Variants in NTM observed in about 807,000 individuals in gnomAD.
NTM encodes IgLON family member 2.
In NTM, 13 loss-of-function variants were observed where a neutral mutation model predicts 42.1. The ratio of observed to expected loss-of-function variants is 0.31; its 90% CI spans 0.20 to 0.49. NTM has a LOEUF of 0.49. NTM is among the 20% of genes least tolerant of loss of function. The pLI is 0.99. For synonymous variants in NTM, 187 were observed against 179.2 expected (o/e 1.04, Z -0.35); for missense variants, 373 against 452.8 (o/e 0.82, Z 1.60).
intron 1 of NTM, among the ~76,000 whole-genome samples, chr11:131,745,074 A>T (rs534259693): frequency 5.9e-5 from 9 of 152,350 alleles, no homozygotes; most frequent in African/African-American, 2.2e-4. Flanking sequence ...AAACTCTGAC[A>T]CACAGAGGCC....
intron 1 of NTM, chr11:131,671,522 C>T: frequency 5.1e-6 from 5 of 981,204 alleles, no homozygotes; most frequent in South Asian, 4.7e-5. Flanking sequence ...GGTGGCTGCC[C>T]TCACCCTCCT....
intron 1 of NTM, among the ~76,000 whole-genome samples, chr11:131,745,027 G>A (rs60261209): frequency 0.086 from 13,119 of 152,216 alleles, 1,893 homozygotes; most frequent in African/African-American, 0.29. Context: ...AACTGGAGCC[G>A]CTTGTGGTGT....
chr11:131,430,023 G>T (rs1257949595), intron 1 of NTM, among the ~76,000 whole-genome samples: 2 of 152,098 alleles, frequency 1.3e-5, no homozygotes, highest in Non-Finnish European at 2.9e-5. Flanking sequence ...CTTAAGTTTT[G>T]CTCCAAAGCT....
At chr11:131,629,595 T>C (rs2063459619) in intron 1 of NTM, among the ~76,000 whole-genome samples, 1 of 152,176 alleles carries the variant, frequency 6.6e-6, no homozygotes, top group African/African-American at 2.4e-5. Context: ...TGGCTTCTAC[T>C]GATGGAAGCC....
chr11:132,062,148 T>C (rs193225205), intron 2 of NTM, among the ~76,000 whole-genome samples: 1 of 152,280 alleles, frequency 6.6e-6, no homozygotes, highest in East Asian at 1.9e-4. Flanking sequence ...TTGGAAGTAA[T>C]TTACCACCCC....
At chr11:132,218,685 G>T (rs557901694) in intron 4 of NTM, among the ~76,000 whole-genome samples, 1 of 152,290 alleles carries the variant, frequency 6.6e-6, no homozygotes, top group South Asian at 2.1e-4. Context: ...GAGGTAGGGG[G>T]ACTAGTCAGT....
chr11:131,777,145 A>C, intron 1 of NTM: 1 of 767,188 alleles, frequency 1.3e-6, no homozygotes, highest in Non-Finnish European at 1.6e-6. Context: ...TATTGCATAT[A>C]ACATCTCCAC....
chr11:131,984,474 A>G, intron 2 of NTM: 1 of 152,236 alleles, frequency 6.6e-6, no homozygotes, highest in Non-Finnish European at 1.5e-5. Flanking sequence ...CCAGGAGGAG[A>G]TTTCTTACCT....
At chr11:132,110,808 G>A (rs2063064049) in intron 2 of NTM, among the ~76,000 whole-genome samples, 1 of 151,894 alleles carries the variant, frequency 6.6e-6, no homozygotes, top group Non-Finnish European at 1.5e-5. Flanking sequence ...GCTGAGGTGG[G>A]AGGATCACTT....
intron 1 of NTM, among the ~76,000 whole-genome samples, chr11:131,712,904 A>G (rs907431859): frequency 6.6e-6 from 1 of 152,190 alleles, no homozygotes; most frequent in Non-Finnish European, 1.5e-5. Flanking sequence ...AAAGAAAGGA[A>G]GAAAGCAGGA....
chr11:131,919,758 G>A lies in NTM; in HGVS notation c.167+8110G>A, dbSNP rs146292339. Among the ~76,000 whole-genome samples the A allele has an allele frequency of 1.2e-3, 164 of 138,884 alleles. 2 individuals carry two copies. In the East Asian group the frequency reaches 0.022, roughly 19 times the overall value. 91.1% of individuals were successfully genotyped at this position (138,884 alleles called of 152,430 possible). A position where few individuals can be genotyped will look rare whatever the true frequency, so the allele number is the denominator to read the frequency against. ...TATATATGAATATATATGTACATAT[G>A]CATGTGTGCATATATGTGTATATAA... On this transcript the variant is annotated intron_variant, in intron 2 of 8. Coordinates refer to ENST00000683400, the MANE Select transcript of NTM (RefSeq NM_001352005.2).
At chr11:132,251,960 G>A (rs1045405178) in intron 4 of NTM, among the ~76,000 whole-genome samples, 1 of 152,196 alleles carries the variant, frequency 6.6e-6, no homozygotes, top group Non-Finnish European at 1.5e-5. Context: ...CTCCAAACCT[G>A]AGGCTTGCCT....
At chr11:131,787,354 G>GATGATTATT (rs1555125914) in intron 1 of NTM, among the ~76,000 whole-genome samples, 2 of 144,436 alleles carry the variant, frequency 1.4e-5, no homozygotes, top group South Asian at 2.2e-4. Flanking sequence ...CATAATACAA[G>GATGATTATT]ATTATTATTA....
At chr11:132,254,039 C>G (rs1239981337) in intron 4 of NTM, among the ~76,000 whole-genome samples, 49 of 152,274 alleles carry the variant, frequency 3.2e-4, no homozygotes, top group Non-Finnish European at 1.2e-4. Context: ...GGCTGGAAGG[C>G]AGCTCTCTGG....
intron 1 of NTM, among the ~76,000 whole-genome samples, chr11:131,466,029 CTA>C (rs2136143264): frequency 1.3e-5 from 2 of 152,308 alleles, no homozygotes; most frequent in South Asian, 4.1e-4. Context: ...GGATGTGTGT[CTA>C]TGAGGAACCT....
chr11:132,151,779 C>A (rs1221002575), intron 3 of NTM, among the ~76,000 whole-genome samples: 3 of 152,126 alleles, frequency 2.0e-5, no homozygotes, highest in Non-Finnish European at 4.4e-5. Flanking sequence ...TGGAATAGGG[C>A]AGGAATGAGG....
chr11:131,985,221 G>A (rs1389289683), intron 2 of NTM, among the ~76,000 whole-genome samples: 2 of 152,156 alleles, frequency 1.3e-5, no homozygotes, highest in South Asian at 2.1e-4. Flanking sequence ...GTAGGCACTT[G>A]GTTTGTCATA....
intron 2 of NTM, among the ~76,000 whole-genome samples, chr11:131,920,220 A>G (rs2057019900): frequency 6.7e-6 from 1 of 150,116 alleles, no homozygotes; most frequent in Non-Finnish European, 1.5e-5. Flanking sequence ...GTCAAATGGT[A>G]AAAAACAGGG....
At chr11:132,149,640 C>T (rs2071409537) in intron 3 of NTM, among the ~76,000 whole-genome samples, 2 of 152,018 alleles carry the variant, frequency 1.3e-5, no homozygotes, top group South Asian at 4.2e-4. Context: ...GATTTTCTTC[C>T]CCTGTGGTTC....
Sources: gnomAD v4.1 joint callset for allele counts (sites outside exome capture counted in the v4.1 genomes callset) on GRCh38, gnomAD v4.1.1 for gene constraint, MANE v1.5 for transcripts, NCBI Gene and HGNC (gene_info 2026-07-23, HGNC 2026-07-21) for gene names.